The following PTPRT variants were observed in gnomAD, a reference collection of about 807,000 sequenced individuals.
The protein encoded by PTPRT is protein tyrosine phosphatase receptor type T, also known as receptor-type tyrosine-protein phosphatase T.
PTPRT carries 56 observed loss-of-function variants against 176.8 expected under a neutral mutation model. The ratio of observed to expected loss-of-function variants is 0.32; its 90% CI spans 0.26 to 0.40. The LOEUF (loss-of-function observed/expected upper bound fraction) is 0.40, where lower values mean the gene tolerates loss of function less well. Among genes scored for constraint, PTPRT ranks in the 10% least tolerant of loss-of-function variants. The pLI is 1.00. For synonymous variants in PTPRT, 783 were observed against 739.0 expected (o/e 1.06, Z -0.96); for missense variants, 1,540 against 1,908.2 (o/e 0.81, Z 3.60).
At chr20:42,960,001 C>T (rs887490422) in intron 1 of PTPRT, among the ~76,000 whole-genome samples, 1 of 152,130 alleles carries the variant, frequency 6.6e-6, no homozygotes, top group African/African-American at 2.4e-5. Flanking sequence ...CAAGGGCTGG[C>T]CCCCTTTTCA....
At chr20:42,039,704 T>TATATATATA in the PTPRT span, among the ~76,000 whole-genome samples, 4 of 65,144 alleles carry the variant, frequency 6.1e-5, no homozygotes, top group Non-Finnish European at 1.7e-4. Context: ...ATATATATAG[T>TATATATATA]AATGTATATT....
At chr20:42,382,070 T>C (rs1483013586) in intron 9 of PTPRT, among the ~76,000 whole-genome samples, 2 of 152,218 alleles carry the variant, frequency 1.3e-5, no homozygotes, top group African/African-American at 4.8e-5. Context: ...CTATTTTACC[T>C]ACTTTCTGAA....
chr20:42,454,236 T>C (rs1037968554), intron 8 of PTPRT, among the ~76,000 whole-genome samples: 19 of 152,210 alleles, frequency 1.2e-4, no homozygotes, highest in Non-Finnish European at 2.4e-4. Context: ...TATTCCACCA[T>C]TCTACCGTAT....
rs41279260 is a variant in PTPRT at position 42,472,555 on chromosome 20, T to C, written c.1161A>G (p.Val387=). ...CGATTTCCACGTTCTGTGGGCCATG[T>C]ACCGGATCTGCAAAACATGCAGGCA... ...LTTRTKCADP[V]HGPQNVEIVD... is the part of the protein sequence containing the mutation. Residue 387 remains valine, a synonymous_variant, in exon 8 of 31, where the codon GTA becomes GTG. Coordinates refer to ENST00000373187, the MANE Select transcript of PTPRT (RefSeq NM_007050.6). 9.3e-3 allele frequency: 15,054 copies of C among 1,613,258 alleles called. 107 individuals are homozygous for C. The highest frequency in any genetic ancestry group is 0.018 in the Middle Eastern group (106 of 5,978).
At chr20:42,958,352 T>G (rs959365982) in intron 1 of PTPRT, among the ~76,000 whole-genome samples, 1 of 4,854 alleles carries the variant, frequency 2.1e-4, no homozygotes, top group Non-Finnish European at 3.9e-4. Flanking sequence ...GAGGAGGGGC[T>G]GGGAAGGGAG....
intron 7 of PTPRT, among the ~76,000 whole-genome samples, chr20:42,504,781 G>A (rs68080232): frequency 0.097 from 14,675 of 152,068 alleles, 855 homozygotes; most frequent in East Asian, 0.21. Flanking sequence ...CACATCTTAC[G>A]TTGTCTTGCT....
chr20:43,076,412 T>C (rs549556167), intron 1 of PTPRT, among the ~76,000 whole-genome samples: 21 of 139,690 alleles, frequency 1.5e-4, no homozygotes, highest in Non-Finnish European at 2.8e-4. Flanking sequence ...TTATTTTTAA[T>C]GCAAGCCAAA....
At chr20:43,042,436 A>G (rs189668597) in intron 1 of PTPRT, among the ~76,000 whole-genome samples, 262 of 152,258 alleles carry the variant, frequency 1.7e-3, no homozygotes, top group Middle Eastern at 3.4e-3. Flanking sequence ...CTGGCTTGAA[A>G]ATGAAAAATG....
chr20:42,494,375 C>T (rs886838097), intron 7 of PTPRT, among the ~76,000 whole-genome samples: 55 of 152,218 alleles, frequency 3.6e-4, no homozygotes, highest in African/African-American at 1.2e-3. Context: ...GAAGTAGAGG[C>T]TATGAAAGAG....
chr20:42,754,264 C>A lies in PTPRT; in HGVS notation c.859+2198G>T, dbSNP rs184837664. Among the ~76,000 whole-genome samples the A allele has an allele frequency of 3.9e-4, 59 of 152,328 alleles. No individual in the cohort carries two copies. The East Asian group carries it at 0.011, about 28-fold the overall frequency. ...GCAGTGGCATGATCTCAGCTCACCA[C>A]AACCTCCGTCTCCTGGGTTTAAGCG... On this transcript the variant is annotated intron_variant, in intron 6 of 30. Coordinates refer to ENST00000373187, the MANE Select transcript of PTPRT (RefSeq NM_007050.6).
At chr20:42,849,072 T>A (rs2078426911) in intron 2 of PTPRT, among the ~76,000 whole-genome samples, 3 of 152,190 alleles carry the variant, frequency 2.0e-5, no homozygotes. Context: ...GAATAGGGTG[T>A]CCTTTCCCCA....
At chr20:42,498,957 T>G (rs928990241) in intron 7 of PTPRT, among the ~76,000 whole-genome samples, 2 of 152,182 alleles carry the variant, frequency 1.3e-5, no homozygotes, top group African/African-American at 4.8e-5. Flanking sequence ...ACAATCAAGC[T>G]GTAACCCAAC....
At chr20:42,539,392 G>A (rs1194486039) in intron 7 of PTPRT, among the ~76,000 whole-genome samples, 4 of 150,106 alleles carry the variant, frequency 2.7e-5, no homozygotes, top group Admixed American at 2.6e-4. Flanking sequence ...GTAATCGCAG[G>A]GTTGGGCCTG....
chr20:42,885,872 T>C lies in PTPRT; in HGVS notation c.149A>G (p.Asn50Ser), dbSNP rs185090623. 1.3e-4 allele frequency: 206 copies of C among 1,611,090 alleles called. No individual in the cohort carries two copies. The highest frequency in any genetic ancestry group is 4.0e-4 in the Admixed American group (24 of 59,920). ...GTTAATCTGCTCCCAGGTGAACCCATTGGTCCCTAGAGCCACACTATAACC... is the reference window on the plus strand; with the variant it reads ...GTTAATCTGCTCCCAGGTGAACCCACTGGTCCCTAGAGCCACACTATAACC... The part of the protein sequence containing the change: ...NCGYSVALGT[N>S]GFTWEQINTW... The change falls in exon 2 of 31, where the codon AAT (asparagine) becomes AGT (serine). Residue 50 changes from asparagine (N) to serine (S), a missense_variant. Transcript: ENST00000373187.
At chr20:42,899,394 C>T (rs915448870) in intron 1 of PTPRT, among the ~76,000 whole-genome samples, 5 of 152,194 alleles carry the variant, frequency 3.3e-5, no homozygotes, top group Non-Finnish European at 5.9e-5. Context: ...AAGCTCTTCA[C>T]GGTCTCAGGG....
intron 2 of PTPRT, among the ~76,000 whole-genome samples, chr20:42,883,694 C>CACACAATG (rs1385239654): frequency 2.1e-3 from 10 of 4,756 alleles, no homozygotes; most frequent in East Asian, 8.3e-3. Flanking sequence ...CACACACACA[C>CACACAATG]CTCCCATACA....
At chr20:42,512,128 T>A (rs1427093922) in intron 7 of PTPRT, among the ~76,000 whole-genome samples, 1 of 152,186 alleles carries the variant, frequency 6.6e-6, no homozygotes, top group Non-Finnish European at 1.5e-5. Flanking sequence ...TAAATTATCA[T>A]ACCAAATATT....
chr20:42,497,709 C>T lies in PTPRT; in HGVS notation c.1154-25147G>A, dbSNP rs375100856. ...GTTTTAAGTTGTCATATAATAATTG[C>T]CTTTTACTCCAATGATATTAGAGTC... On this transcript the variant is annotated intron_variant, in intron 7 of 30. Coordinates refer to ENST00000373187, the MANE Select transcript of PTPRT (RefSeq NM_007050.6). Among the ~76,000 whole-genome samples the T allele has an allele frequency of 3.1e-3, 472 of 152,172 alleles. 22 individuals carry two copies. The South Asian group carries it at 0.093, about 30-fold the overall frequency.
intron 15 of PTPRT, among the ~76,000 whole-genome samples, chr20:42,221,445 C>A (rs1322649666): frequency 1.3e-5 from 2 of 152,022 alleles, no homozygotes; most frequent in Admixed American, 6.6e-5. Context: ...CTTCAGGAAA[C>A]TTACAATCAT....
Sources: gnomAD v4.1 joint callset for allele counts (sites outside exome capture counted in the v4.1 genomes callset) on GRCh38, gnomAD v4.1.1 for gene constraint, MANE v1.5 for transcripts, NCBI Gene and HGNC (gene_info 2026-07-23, HGNC 2026-07-21) for gene names.